The following ZSCAN4 variants were observed in gnomAD, a reference collection of about 807,000 sequenced individuals.
The protein encoded by ZSCAN4 is zinc finger and SCAN domain containing 4.
ZSCAN4 carries 18 observed loss-of-function variants against 18.3 expected under a neutral mutation model. The ratio of observed to expected loss-of-function variants is 0.98; its 90% CI spans 0.68 to 1.46. ZSCAN4 has a LOEUF of 1.46. Ranked by LOEUF, ZSCAN4 falls within the 40% of genes most tolerant of loss-of-function variation. The pLI, the probability that ZSCAN4 is intolerant of heterozygous loss-of-function variation, is 0.00. For synonymous variants in ZSCAN4, 193 were observed against 180.3 expected (o/e 1.07, Z -0.57); for missense variants, 498 against 511.4 (o/e 0.97, Z 0.25).
the ZSCAN4 span, among the ~76,000 whole-genome samples, chr19:57,663,013 C>T: frequency 1.3e-5 from 2 of 149,564 alleles, no homozygotes; most frequent in Non-Finnish European, 1.5e-5. Context: ...CCCTTTTCTG[C>T]CCCTCACCCC....
chr19:57,677,595 T>C (rs1984225695), intron 3 of ZSCAN4, among the ~76,000 whole-genome samples: 1 of 152,158 alleles, frequency 6.6e-6, no homozygotes, highest in Non-Finnish European at 1.5e-5. Context: ...AAATGGGGTG[T>C]CTTTGAACAT....
intron 1 of ZSCAN4, among the ~76,000 whole-genome samples, chr19:57,670,009 T>C (rs1267547765): frequency 6.6e-6 from 1 of 151,930 alleles, no homozygotes; most frequent in Non-Finnish European, 1.5e-5. Flanking sequence ...TTCAAGTAAT[T>C]CTCCTGCCTC....
rs749719595 is a variant in ZSCAN4 at position 57,676,224 on chromosome 19, C to T, written c.79C>T (p.Gln27Ter). 3 of 1,614,048 alleles carry T rather than the reference C, an allele frequency of 1.9e-6. No homozygotes were observed. The East Asian group carries it at 6.7e-5, about 36-fold the overall frequency. Residue 27 changes from glutamine to a stop codon, truncating the protein, a stop_gained, in exon 3 of 5, where the codon CAA becomes TAA. Coordinates refer to ENST00000318203, the Ensembl canonical transcript of ZSCAN4. LOFTEE classifies it high-confidence loss of function. Reference sequence around the variant, plus strand: ...TGGATCAGAAAATTCAGCGTTTCAACAAAGCCAAGGACCTGCTGTTCAGAG... The same window carrying T: ...TGGATCAGAAAATTCAGCGTTTCAATAAAGCCAAGGACCTGCTGTTCAGAG...
upstream of ZSCAN4, among the ~76,000 whole-genome samples, chr19:57,665,691 G>T (rs2122278152): frequency 6.6e-6 from 1 of 152,134 alleles, no homozygotes; most frequent in African/African-American, 2.4e-5. Context: ...AGGCTGAGGC[G>T]GGTGGATCAC....
exon 5 of ZSCAN4, chr19:57,678,758 T>C (rs1984272466): frequency 1.2e-6 from 2 of 1,614,084 alleles, no homozygotes; most frequent in East Asian, 4.5e-5. Context: ...ACCTGCGGTC[T>C]CATGAGAGAA....
chr19:57,669,735 T>G (rs1322363780), intron 1 of ZSCAN4, among the ~76,000 whole-genome samples: 3 of 21,368 alleles, frequency 1.4e-4, no homozygotes, highest in African/African-American at 4.5e-3. Flanking sequence ...TTTGTTTTGT[T>G]TTTTTTTTAG....
At chr19:57,656,303 T>A in the ZSCAN4 span, among the ~76,000 whole-genome samples, 1 of 152,036 alleles carries the variant, frequency 6.6e-6, no homozygotes, top group African/African-American at 2.4e-5. Flanking sequence ...CAGACATCCC[T>A]CATACACCCA....
chr19:57,666,606 A>G (rs1343719759), upstream of ZSCAN4, among the ~76,000 whole-genome samples: 1 of 150,622 alleles, frequency 6.6e-6, no homozygotes, highest in Non-Finnish European at 1.5e-5. Flanking sequence ...GAAAGTCACC[A>G]GGTGTGGTGG....
exon 1 of ZSCAN4, chr19:57,669,103 CA>C (rs1338580787): frequency 2.1e-5 from 3 of 144,712 alleles, no homozygotes; most frequent in African/African-American, 8.0e-5. Context: ...CTCTGTCGTC[CA>C]GGCTGGAGTG....
chr19:57,661,720 T>C, the ZSCAN4 span, among the ~76,000 whole-genome samples: 2 of 152,222 alleles, frequency 1.3e-5, no homozygotes, highest in African/African-American at 2.4e-5. Context: ...AGTAGACCTG[T>C]ATAAATACAA....
At chr19:57,655,437 G>A in the ZSCAN4 span, among the ~76,000 whole-genome samples, 12 of 152,112 alleles carry the variant, frequency 7.9e-5, no homozygotes, top group Non-Finnish European at 1.8e-4. Context: ...AACATTCAGC[G>A]GTACCCCACA....
the ZSCAN4 span, among the ~76,000 whole-genome samples, chr19:57,661,411 C>CTAAT: frequency 6.6e-6 from 1 of 152,118 alleles, no homozygotes; most frequent in Non-Finnish European, 1.5e-5. Context: ...ATGTAACGTG[C>CTAAT]TAATCAGTGA....
At chr19:57,676,488 T>C (rs773018026) in exon 3 of ZSCAN4, 2 of 1,614,112 alleles carry the variant, frequency 1.2e-6, no homozygotes, top group East Asian at 2.2e-5. Flanking sequence ...TGGCAAAAAC[T>C]TGGAGAGATT....
At chr19:57,679,002 G>T in exon 5 of ZSCAN4, 1 of 1,299,832 alleles carries the variant, frequency 7.7e-7, no homozygotes, top group Non-Finnish European at 1.0e-6. Context: ...TCCTGATTAT[G>T]CTTTCAATTT....
intron 2 of ZSCAN4, 45 bp from the exon 3 acceptor site, chr19:57,675,996 T>A: frequency 1.3e-6 from 1 of 758,686 alleles, no homozygotes; most frequent in East Asian, 2.7e-5. Flanking sequence ...TGTCTTTAAT[T>A]ATGCCAGTGG....
At chr19:57,663,914 G>A in the ZSCAN4 span, among the ~76,000 whole-genome samples, 1 of 152,146 alleles carries the variant, frequency 6.6e-6, no homozygotes, top group African/African-American at 2.4e-5. Flanking sequence ...ATCACCTGAT[G>A]TCAAGAGTTC....
the ZSCAN4 span, among the ~76,000 whole-genome samples, chr19:57,663,604 G>A: frequency 2.0e-5 from 3 of 149,488 alleles, no homozygotes; most frequent in Non-Finnish European, 4.4e-5. Context: ...CTACTCGGGA[G>A]GCTGAGGTGG....
At chr19:57,677,491 C>T (rs1218820985) in intron 3 of ZSCAN4, among the ~76,000 whole-genome samples, 1 of 151,952 alleles carries the variant, frequency 6.6e-6, no homozygotes, top group East Asian at 1.9e-4. Context: ...GAAACACTGT[C>T]TAGTCTTCCT....
At chr19:57,657,590 A>G in the ZSCAN4 span, among the ~76,000 whole-genome samples, 3 of 152,204 alleles carry the variant, frequency 2.0e-5, no homozygotes, top group Non-Finnish European at 2.9e-5. Context: ...TCCACTTATC[A>G]TTTGATAAAT....
Sources: gnomAD v4.1 joint callset for allele counts (sites outside exome capture counted in the v4.1 genomes callset) on GRCh38, gnomAD v4.1.1 for gene constraint, MANE v1.5 for transcripts, NCBI Gene and HGNC (gene_info 2026-07-23, HGNC 2026-07-21) for gene names.